GNAI3: variants seen among roughly 807,000 people sequenced by gnomAD.
GNAI3 encodes the protein guanine nucleotide-binding protein G(i) subunit alpha-3.
Under a neutral mutation model 41.8 loss-of-function variants are expected in GNAI3, and 12 were observed. The observed-to-expected ratio is 0.29, with a 90% confidence interval of 0.18 to 0.47. GNAI3 has a LOEUF of 0.47. GNAI3 is among the 20% of genes least tolerant of loss of function. The pLI, the probability that GNAI3 is intolerant of heterozygous loss-of-function variation, is 1.00. For synonymous variants in GNAI3, 132 were observed against 146.5 expected (o/e 0.90, Z 0.71); for missense variants, 360 against 429.6 (o/e 0.84, Z 1.43).
chr1:109,549,254 G>C (rs889714718), intron 1 of GNAI3, among the ~76,000 whole-genome samples: 2 of 152,176 alleles, frequency 1.3e-5, no homozygotes, highest in Non-Finnish European at 2.9e-5. Flanking sequence ...AGTTTGGAGC[G>C]TCGTGGTTCT....
At chr1:109,590,903 T>C (rs1649156847) in intron 7 of GNAI3, among the ~76,000 whole-genome samples, 1 of 152,182 alleles carries the variant, frequency 6.6e-6, no homozygotes, top group Non-Finnish European at 1.5e-5. Flanking sequence ...CTGGTCTTCT[T>C]TATATCTTTG....
chr1:109,591,561 C>A, intron 7 of GNAI3: 1 of 667,494 alleles, frequency 1.5e-6, no homozygotes, highest in East Asian at 2.8e-5. Context: ...CACGAATTTG[C>A]GTGTCATCCT....
rs563825469 is a variant in GNAI3 at position 109,567,960 on chromosome 1, CAG to C, written c.119-5776_119-5775del. 4.3e-4 allele frequency among the ~76,000 whole-genome samples: 63 copies of C among 146,554 alleles called. No homozygotes were observed. In the East Asian group the frequency reaches 9.1e-3, roughly 21 times the overall value. ...ATGAAAGAGAAAAAAGAGAAGGACTCAGGGGATAGTGTTTTTTTTTTTTTTTG... is the reference window on the plus strand; with the variant it reads ...ATGAAAGAGAAAAAAGAGAAGGACTCGGGATAGTGTTTTTTTTTTTTTTTG... On this transcript the variant is annotated intron_variant, in intron 1 of 8. Coordinates refer to ENST00000369851, the MANE Select transcript of GNAI3 (RefSeq NM_006496.4).
intron 7 of GNAI3, among the ~76,000 whole-genome samples, chr1:109,588,368 CA>C (rs67924853): frequency 0.13 from 15,617 of 116,672 alleles, 1,056 homozygotes; most frequent in East Asian, 0.37. Context: ...GGCGACTGAG[CA>C]AAAAAAAAAA....
rs944953439 is a variant in GNAI3 at position 109,597,362 on chromosome 1, T to G, written c.*5040T>G. On this transcript the variant is annotated 3_prime_UTR_variant, in exon 9 of 9. Transcript: ENST00000369851. ...CTGTAATCCTAGCTACTCGGGAGGC[T>G]GAGGCAGGAGAATCGCTTGAACCTG... The G allele has an allele frequency of 6.6e-6, 1 of 152,296 alleles. No homozygotes were observed. Among genetic ancestry groups the G allele is most frequent in the African/African-American group, 2.4e-5 (1 of 41,390 alleles). 9.4% of individuals were successfully genotyped at this position (152,296 alleles called of 1,614,324 possible). A position where few individuals can be genotyped will look rare whatever the true frequency, so the allele number is the denominator to read the frequency against.
chr1:109,576,680 G>A (rs1271963025), intron 3 of GNAI3, among the ~76,000 whole-genome samples: 3 of 151,756 alleles, frequency 2.0e-5, no homozygotes, highest in Non-Finnish European at 4.4e-5. Context: ...CACCATGCCC[G>A]CCTAATTTTT....
intron 1 of GNAI3, among the ~76,000 whole-genome samples, chr1:109,562,204 A>C (rs1174920473): frequency 1.3e-5 from 2 of 151,764 alleles, no homozygotes; most frequent in East Asian, 1.9e-4. Flanking sequence ...AAATACTGGG[A>C]AAAATTAAAT....
chr1:109,563,118 C>T (rs1336925145), intron 1 of GNAI3, among the ~76,000 whole-genome samples: 1 of 152,194 alleles, frequency 6.6e-6, no homozygotes, highest in East Asian at 1.9e-4. Context: ...AACACTGAGA[C>T]TGGGCACAGT....
rs1019458330 is a variant in GNAI3, at chr1:109,597,953, T to C, written c.*5631T>C. 1.3e-5 allele frequency: 2 copies of C among 152,244 alleles called. No homozygotes were observed. The highest frequency in any genetic ancestry group is 1.5e-5 in the Non-Finnish European group (1 of 68,042). 9.4% of individuals were successfully genotyped at this position (152,244 alleles called of 1,614,324 possible). Reference sequence around the variant, plus strand: ...AAAGCCTTTGTATGCCCAGTGCTAGTGTTTTCCTGAAATCTAGTGAGAATC... The same window carrying C: ...AAAGCCTTTGTATGCCCAGTGCTAGCGTTTTCCTGAAATCTAGTGAGAATC... On this transcript the variant is annotated 3_prime_UTR_variant, in exon 9 of 9. Coordinates refer to ENST00000369851, the MANE Select transcript of GNAI3 (RefSeq NM_006496.4).
intron 5 of GNAI3, among the ~76,000 whole-genome samples, chr1:109,583,108 A>G (rs1481695962): frequency 1.3e-5 from 2 of 152,262 alleles, no homozygotes; most frequent in African/African-American, 4.8e-5. Context: ...GTCATGTACA[A>G]TTAACTTCTT....
intron 5 of GNAI3, 44 bp downstream of exon 5, chr1:109,582,609 CT>C: frequency 6.8e-7 from 1 of 1,460,272 alleles, no homozygotes; most frequent in Non-Finnish European, 9.6e-7. Flanking sequence ...ATACAAGTAT[CT>C]TTCATTTTAG....
chr1:109,561,582 G>C (rs916197811), intron 1 of GNAI3, among the ~76,000 whole-genome samples: 11 of 152,152 alleles, frequency 7.2e-5, no homozygotes, highest in African/African-American at 2.7e-4. Flanking sequence ...TCAGTGGGAG[G>C]CTCATTTATT....
chr1:109,564,568 G>A (rs1557904772), intron 1 of GNAI3, among the ~76,000 whole-genome samples: 1 of 152,036 alleles, frequency 6.6e-6, no homozygotes, highest in African/African-American at 2.4e-5. Flanking sequence ...TGGTAGCCTA[G>A]GTTTTTTTCC....
At chr1:109,564,041 GTT>G (rs5776986) in intron 1 of GNAI3, among the ~76,000 whole-genome samples, 25 of 134,678 alleles carry the variant, frequency 1.9e-4, no homozygotes, top group Non-Finnish European at 2.6e-4. Flanking sequence ...GTTTTTGTGT[GTT>G]TTTTTTTTTT....
At position 109,550,094 on chromosome 1, in the gene GNAI3, T is replaced by C. The variant is rs982701934; in HGVS notation, c.118+1256T>C. Among the ~76,000 whole-genome samples, 3 of 152,136 alleles carry C rather than the reference T, an allele frequency of 2.0e-5. No individual in the cohort carries two copies. The South Asian group carries it at 6.2e-4, about 31-fold the overall frequency. Reference sequence around the variant, plus strand: ...ATAGAAATTTACTTTTTAAAACAATTGATTTTTGAGGAAAAGGAGTCACTT... The same window carrying C: ...ATAGAAATTTACTTTTTAAAACAATCGATTTTTGAGGAAAAGGAGTCACTT... On this transcript the variant is annotated intron_variant, in intron 1 of 8. Transcript: ENST00000369851.
At chr1:109,577,418 A>C (rs1648780246) in intron 3 of GNAI3, among the ~76,000 whole-genome samples, 1 of 151,934 alleles carries the variant, frequency 6.6e-6, no homozygotes, top group Admixed American at 6.6e-5. Flanking sequence ...CTGGGACTAC[A>C]GGCACACGCC....
At position 109,593,602 on chromosome 1, in the gene GNAI3, TGAG is replaced by T. The variant is rs1319145998; in HGVS notation, c.*1281_*1283del. 2.0e-5 allele frequency: 3 copies of T among 152,654 alleles called. No homozygotes were observed. Among genetic ancestry groups the T allele is most frequent in the Non-Finnish European group, 4.4e-5 (3 of 68,040 alleles). 9.5% of individuals were successfully genotyped at this position (152,654 alleles called of 1,614,324 possible). A position where few individuals can be genotyped will look rare whatever the true frequency, so the allele number is the denominator to read the frequency against. On this transcript the variant is annotated 3_prime_UTR_variant, in exon 9 of 9. Coordinates refer to ENST00000369851, the MANE Select transcript of GNAI3 (RefSeq NM_006496.4). ...TGCAGAATGTGCTTTAGCCTTTGTC[TGAG>T]AATGGGTTTAGGTAGAAGGGTTTCC...
intron 1 of GNAI3, among the ~76,000 whole-genome samples, chr1:109,563,693 T>C (rs1648374367): frequency 6.6e-6 from 1 of 152,194 alleles, no homozygotes; most frequent in Non-Finnish European, 1.5e-5. Flanking sequence ...TGGTGAAGGA[T>C]ATGAAACTCA....
chr1:109,595,757 C>G lies in GNAI3; in HGVS notation c.*3435C>G, dbSNP rs1224024402. On this transcript the variant is annotated 3_prime_UTR_variant, in exon 9 of 9. Coordinates refer to ENST00000369851, the MANE Select transcript of GNAI3 (RefSeq NM_006496.4). Reference sequence around the variant, plus strand: ...GCAGAACTCCTTGCTGTATTGCAGTCATATATAAGGTAAAGTCAGTCTCTT... The same window carrying G: ...GCAGAACTCCTTGCTGTATTGCAGTGATATATAAGGTAAAGTCAGTCTCTT... 1.3e-5 allele frequency: 2 copies of G among 150,502 alleles called. No individual in the cohort carries two copies. The highest frequency in any genetic ancestry group is 3.0e-5 in the Non-Finnish European group (2 of 67,790). 9.3% of individuals were successfully genotyped at this position (150,502 alleles called of 1,614,324 possible). A position where few individuals can be genotyped will look rare whatever the true frequency, so the allele number is the denominator to read the frequency against.
Sources: allele counts gnomAD v4.1 joint callset (sites outside exome capture counted in the v4.1 genomes callset), GRCh38; gene constraint gnomAD v4.1.1; transcripts MANE v1.5; gene names NCBI Gene and HGNC (gene_info 2026-07-23, HGNC 2026-07-21).